The following SLC6A6 variants were observed in gnomAD, a reference collection of about 807,000 sequenced individuals.
SLC6A6 encodes the protein sodium- and chloride-dependent taurine transporter.
Under a neutral mutation model 68.8 loss-of-function variants are expected in SLC6A6, and 16 were observed. That is an observed-to-expected ratio of 0.23 (90% CI 0.16 to 0.35). SLC6A6 has a LOEUF of 0.35. Among genes scored for constraint, SLC6A6 ranks in the 10% least tolerant of loss-of-function variants. The probability of loss-of-function intolerance (pLI) is 1.00; values close to 1 mark genes in which losing one functional copy is unlikely to be tolerated. For synonymous variants in SLC6A6, 312 were observed against 315.4 expected (o/e 0.99, Z 0.12); for missense variants, 474 against 802.8 (o/e 0.59, Z 4.95).
chr3:14,451,956 T>C (rs1700261483), intron 5 of SLC6A6, among the ~76,000 whole-genome samples: 1 of 152,210 alleles, frequency 6.6e-6, no homozygotes, highest in African/African-American at 2.4e-5. Context: ...ACTTCTCTTA[T>C]ATGCCCCAGA....
At chr3:14,418,850 A>T (rs1215377181) in intron 2 of SLC6A6, among the ~76,000 whole-genome samples, 1 of 152,128 alleles carries the variant, frequency 6.6e-6, no homozygotes, top group African/African-American at 2.4e-5. Context: ...ATTGTTTCCA[A>T]GACTACACAG....
At chr3:14,412,269 T>C (rs55957519) in intron 1 of SLC6A6, among the ~76,000 whole-genome samples, 1,664 of 152,306 alleles carry the variant, frequency 0.011, 32 homozygotes, top group African/African-American at 0.038. Flanking sequence ...AGAGTTACTC[T>C]GAGCAGAGCT....
rs1238426339 is a variant in SLC6A6, at chr3:14,468,251, A to G, written c.1096+39A>G. On this transcript the variant is annotated intron_variant, in intron 9 of 14. Coordinates refer to ENST00000622186, the MANE Select transcript of SLC6A6 (RefSeq NM_003043.6). This position sits in a 1 kb window ranked among gnomAD's most constrained non-coding sequence, Gnocchi z 4.5. The stretch of plus-strand genomic sequence containing the variant: ...GGTGGCAGTGGTGGTGGGCACTGCC[A>G]CCTAGTGTGTAAGCCAAGTACTGCA... 59 of 1,594,048 alleles carry G rather than the reference A, an allele frequency of 3.7e-5. No individual in the cohort carries two copies. Among genetic ancestry groups the G allele is most frequent in the Non-Finnish European group, 4.8e-5 (56 of 1,170,220 alleles).
chr3:14,447,706 C>G lies in SLC6A6; in HGVS notation c.489C>G (p.Asn163Lys). The G allele has an allele frequency of 6.2e-7, 1 of 1,614,274 alleles. No individual in the cohort carries two copies. Among genetic ancestry groups the G allele is most frequent in the Non-Finnish European group, 8.5e-7 (1 of 1,180,048 alleles). ...FQKELPWAHC[N>K]HSWNTPHCME... ...AGGAGCTGCCCTGGGCACACTGCAA[C>G]CACAGCTGGAACACACCTCACTGCA... The change falls in exon 5 of 15, where the codon AAC becomes AAG. Residue 163 changes from asparagine to lysine, a missense_variant. Transcript: ENST00000622186.
rs539561593 is a variant in SLC6A6, at chr3:14,463,180, AG to A, written c.733-3335del. 1.8e-3 allele frequency among the ~76,000 whole-genome samples: 267 copies of A among 152,350 alleles called. 1 individual carries two copies. The highest frequency in any genetic ancestry group is 6.3e-3 in the African/African-American group (260 of 41,576). On this transcript the variant is annotated intron_variant, in intron 6 of 14. Transcript: ENST00000622186. ...CCCAAAGGTGTGGGGACCTGACACCAGCTGGCCTGGATCCATCCCGCATCCA... is the reference window on the plus strand; with the variant it reads ...CCCAAAGGTGTGGGGACCTGACACCACTGGCCTGGATCCATCCCGCATCCA...
At chr3:14,430,080 C>G (rs1323174441) in intron 2 of SLC6A6, among the ~76,000 whole-genome samples, 2 of 152,036 alleles carry the variant, frequency 1.3e-5, no homozygotes, top group East Asian at 3.9e-4. Context: ...AACCCACAAA[C>G]CAAGCACAGA....
At chr3:14,417,044 G>A (rs1048734830) in intron 2 of SLC6A6, among the ~76,000 whole-genome samples, 4 of 152,180 alleles carry the variant, frequency 2.6e-5, no homozygotes, top group Admixed American at 2.6e-4. Flanking sequence ...GGGGTTTCAC[G>A]ATGTTGTCAA....
intron 1 of SLC6A6, among the ~76,000 whole-genome samples, chr3:14,410,007 G>A (rs907042798): frequency 3.3e-5 from 5 of 152,086 alleles, no homozygotes; most frequent in Admixed American, 1.3e-4. Flanking sequence ...CCAATATGGT[G>A]AAACCCCATT....
intron 5 of SLC6A6, among the ~76,000 whole-genome samples, chr3:14,452,772 C>T (rs539576415): frequency 5.9e-5 from 9 of 152,278 alleles, no homozygotes; most frequent in African/African-American, 9.6e-5. Flanking sequence ...TATAATTGAG[C>T]GCCGAGTTGC....
At position 14,402,978 on chromosome 3, in the gene SLC6A6, C is replaced by T; in HGVS notation, c.-54+131C>T. ...CGCCCATCCGGCGCCCCTTTCACCA[C>T]CGCGGAAGGGACCGAGAGTCGCCTG... On this transcript the variant is annotated intron_variant, in intron 1 of 14. Coordinates refer to ENST00000622186, the MANE Select transcript of SLC6A6 (RefSeq NM_003043.6). This position sits in a 1 kb window ranked among gnomAD's most constrained non-coding sequence, Gnocchi z 4.8. The T allele has an allele frequency of 2.6e-6, 1 of 381,340 alleles. No homozygotes were observed. Among genetic ancestry groups the T allele is most frequent in the Non-Finnish European group, 4.6e-6 (1 of 215,224 alleles). The allele number at this position is 381,340 out of a possible 1,614,324, so 23.6% of individuals were successfully genotyped here.
In SLC6A6 at chr3:14,437,920, C is replaced by T. The variant is rs186004030; in HGVS notation, c.-11-5704C>T. ...TTGGCTCACTGCAGTGTCCGCCTCCCGGATTCCAGCGATTCTTCTGCCGTA... is the reference window on the plus strand; with the variant it reads ...TTGGCTCACTGCAGTGTCCGCCTCCTGGATTCCAGCGATTCTTCTGCCGTA... On this transcript the variant is annotated intron_variant, in intron 2 of 14. Transcript: ENST00000622186. 8.4e-3 allele frequency among the ~76,000 whole-genome samples: 1,278 copies of T among 151,738 alleles called. 26 individuals are homozygous for T. The highest frequency in any genetic ancestry group is 0.029 in the African/African-American group (1,203 of 41,402).
In SLC6A6 at chr3:14,482,775, C is replaced by A. The variant is rs186502668; in HGVS notation, c.1722+934C>A. Among the ~76,000 whole-genome samples the A allele has an allele frequency of 5.9e-4, 90 of 152,208 alleles. No homozygotes were observed. The East Asian group carries it at 0.017, about 29-fold the overall frequency. On this transcript the variant is annotated intron_variant, in intron 14 of 14. Transcript: ENST00000622186. ...TGGGGTTATCCTGGAGCTTTTGACC[C>A]ATTCTATTTTTTCAGAGGACAGAGG...
At chr3:14,438,750 A>T (rs765020885) in intron 2 of SLC6A6, among the ~76,000 whole-genome samples, 5 of 152,224 alleles carry the variant, frequency 3.3e-5, no homozygotes, top group Non-Finnish European at 5.9e-5. Flanking sequence ...ACAGACAAGG[A>T]CCTGGCCTCT....
At chr3:14,442,785 A>AAACCCAACAGGG (rs1389876584) in intron 2 of SLC6A6, among the ~76,000 whole-genome samples, 1 of 152,210 alleles carries the variant, frequency 6.6e-6, no homozygotes, top group Non-Finnish European at 1.5e-5. Context: ...CCCGTTGGCC[A>AAACCCAACAGGG]AACCCAACAG....
chr3:14,453,504 T>G (rs1253166151), intron 5 of SLC6A6, among the ~76,000 whole-genome samples: 2 of 152,200 alleles, frequency 1.3e-5, no homozygotes, highest in African/African-American at 4.8e-5. Context: ...ATTCCTGAAC[T>G]TGTCTCAGCC....
chr3:14,469,608 C>T (rs1347735746), intron 9 of SLC6A6, among the ~76,000 whole-genome samples: 1 of 152,202 alleles, frequency 6.6e-6, no homozygotes, highest in Non-Finnish European at 1.5e-5. Context: ...CACTATTTCT[C>T]CACTTGTCAC....
chr3:14,464,175 T>C (rs1242212411), intron 6 of SLC6A6, among the ~76,000 whole-genome samples: 2 of 152,184 alleles, frequency 1.3e-5, no homozygotes, highest in Non-Finnish European at 2.9e-5. Flanking sequence ...GGAGGTCTCA[T>C]GGCAAGCCAG....
chr3:14,468,147 T>C lies in SLC6A6; in HGVS notation c.1031T>C (p.Ile344Thr). Residue 344 changes from isoleucine (I) to threonine (T), a missense_variant, in exon 9 of 15, where the codon ATT becomes ACT. This residue lies in a region of SLC6A6 where 280 missense variants were observed against 533.1 expected (regional missense o/e 0.53). Transcript: ENST00000622186. This position sits in a 1 kb window ranked among gnomAD's most constrained non-coding sequence, Gnocchi z 4.5. ...ACCAGTTTTGTGTCTGGCTTCGCAA[T>C]TTTTTCCATCCTGGGCTTCATGGCA... ...SGTSFVSGFA[I>T]FSILGFMAQE... 1 of 1,614,082 alleles carries C rather than the reference T, an allele frequency of 6.2e-7. No individual in the cohort carries two copies. The highest frequency in any genetic ancestry group is 1.6e-4 in the Middle Eastern group (1 of 6,062).
Position 14,459,603 on chromosome 3 carries a change from C to T in SLC6A6, c.732+1521C>T, listed in dbSNP as rs9833018. Among the ~76,000 whole-genome samples the T allele has an allele frequency of 8.6e-3, 1,308 of 152,198 alleles. 17 individuals are homozygous for T. The highest frequency in any genetic ancestry group is 0.03 in the African/African-American group (1,239 of 41,538). ...TGAGCACGGTCCTGCCCGGAACAGG[C>T]GGGAGCAGGGGACATGGGTAACTCC... On this transcript the variant is annotated intron_variant, in intron 6 of 14. Coordinates refer to ENST00000622186, the MANE Select transcript of SLC6A6 (RefSeq NM_003043.6).
Sources: allele counts gnomAD v4.1 joint callset (sites outside exome capture counted in the v4.1 genomes callset), GRCh38; gene constraint gnomAD v4.1.1; regional missense constraint gnomAD v4.1.1; non-coding constraint Gnocchi (gnomAD v3.1); transcripts MANE v1.5; gene names NCBI Gene and HGNC (gene_info 2026-07-23, HGNC 2026-07-21).